The following TBCD variants were observed in gnomAD, a reference collection of about 807,000 sequenced individuals.
TBCD encodes tubulin-specific chaperone D.
A neutral mutation model predicts 169.3 loss-of-function variants in TBCD; 105 were observed. The ratio of observed to expected loss-of-function variants is 0.62; its 90% CI spans 0.53 to 0.73. The LOEUF (loss-of-function observed/expected upper bound fraction) is 0.73. Ranked by LOEUF, TBCD falls within the 30% of genes least tolerant of loss-of-function variation. TBCD has a pLI of 0.00. For missense variants in TBCD, 1,444 were observed against 1,600.1 expected (o/e 0.90, Z 1.66); for synonymous variants, 700 against 643.9 (o/e 1.09, Z -1.32).
chr17:82,807,598 C>T lies in TBCD; in HGVS notation c.1088-10C>T. The T allele has an allele frequency of 1.3e-6, 2 of 1,511,314 alleles. No homozygotes were observed. Among genetic ancestry groups the T allele is most frequent in the Non-Finnish European group, 1.8e-6 (2 of 1,127,752 alleles). The allele number at this position is 1,511,314 out of a possible 1,614,324, so 93.6% of individuals were successfully genotyped here. A position where few individuals can be genotyped will look rare whatever the true frequency, so the allele number is the denominator to read the frequency against. On this transcript the variant is annotated splice_polypyrimidine_tract_variant and intron_variant, in intron 10 of 38. Transcript: ENST00000355528. ...GGACTCTGTCACGCATCACCTTCCT[C>T]TTCCTACAGAGCAGCTGCTGGTCGG...
chr17:82,931,651 G>A (rs1033903918), intron 33 of TBCD, among the ~76,000 whole-genome samples: 1 of 152,204 alleles, frequency 6.6e-6, no homozygotes, highest in African/African-American at 2.4e-5. Flanking sequence ...CAGTCTGTGT[G>A]TGCGAGCCTG....
chr17:82,883,205 C>T (rs1432218513), intron 14 of TBCD, among the ~76,000 whole-genome samples: 1 of 152,254 alleles, frequency 6.6e-6, no homozygotes, highest in East Asian at 1.9e-4. Context: ...AGCACTTGGC[C>T]CCTGGAAGAC....
Position 82,930,530 on chromosome 17 carries a change from C to A in TBCD, c.3000C>A (p.His1000Gln). The A allele has an allele frequency of 6.2e-7, 1 of 1,613,238 alleles. No homozygotes were observed. The highest frequency in any genetic ancestry group is 8.5e-7 in the Non-Finnish European group (1 of 1,179,712). Residue 1000 changes from histidine to glutamine, a missense_variant, in exon 33 of 39, where the codon CAC becomes CAA. By Grantham distance (24) the His-to-Gln change is conservative. Transcript: ENST00000355528. This position sits in a 1 kb window ranked among gnomAD's most constrained non-coding sequence, Gnocchi z 5.2. ...LGGLTESTIR[H>Q]STQSLFEYMK... Reference sequence around the variant, plus strand: ...GTGTCTCCGTGTTGCAGATCCGGCACTCCACCCAGAGCCTCTTTGAGTACA... The same window carrying A: ...GTGTCTCCGTGTTGCAGATCCGGCAATCCACCCAGAGCCTCTTTGAGTACA...
intron 9 of TBCD, among the ~76,000 whole-genome samples, chr17:82,805,081 C>T (rs974890057): frequency 2.6e-5 from 4 of 152,250 alleles, no homozygotes; most frequent in Admixed American, 2.0e-4. Context: ...CCAGGCGGCC[C>T]GCCCTGCACT....
intron 13 of TBCD, among the ~76,000 whole-genome samples, chr17:82,836,922 GGGAGGAAGCCCCT>G (rs902591769): frequency 1.1e-4 from 16 of 152,196 alleles, no homozygotes; most frequent in Non-Finnish European, 2.1e-4. Flanking sequence ...GGGTGTGGCA[GGGAGGAAGCCCCT>G]GGTGGTGAGA....
chr17:82,907,813 C>G lies in TBCD; in HGVS notation c.1975C>G (p.His659Asp). The change falls in exon 21 of 39, where the codon CAC becomes GAC. Residue 659 changes from histidine to aspartate, a missense_variant. His to Asp is a moderately conservative substitution (Grantham distance 81, BLOSUM62 -1). Coordinates refer to ENST00000355528, the MANE Select transcript of TBCD (RefSeq NM_005993.5). Reference protein sequence around the residue: ...EQAVQGLKQIHQQLYDRQLYR... With the variant: ...EQAVQGLKQIDQQLYDRQLYR... Reference sequence around the variant, plus strand: ...GGCAGTGCAGGGCCTGAAGCAGATTCACCAGCAGGTTTGTGTGCAGCCTCT... The same window carrying G: ...GGCAGTGCAGGGCCTGAAGCAGATTGACCAGCAGGTTTGTGTGCAGCCTCT... 1 of 1,613,478 alleles carries G rather than the reference C, an allele frequency of 6.2e-7. No individual in the cohort carries two copies. Among genetic ancestry groups the G allele is most frequent in the Non-Finnish European group, 8.5e-7 (1 of 1,179,658 alleles).
chr17:82,772,608 GAC>G, intron 6 of TBCD, 101 bp downstream of exon 6: 1 of 1,280,652 alleles, frequency 7.8e-7, no homozygotes, highest in Admixed American at 1.7e-5. Context: ...TCAGACGAAG[GAC>G]CCCGGGAAGT....
intron 23 of TBCD, among the ~76,000 whole-genome samples, chr17:82,917,019 C>T (rs369338944): frequency 2.2e-4 from 24 of 108,484 alleles, no homozygotes; most frequent in Middle Eastern, 6.7e-3. Flanking sequence ...TTTTTCTTTT[C>T]TTTTCTTTTT....
At chr17:82,758,400 A>AAAAAAAAAAAAAAAAAAATAAAT (rs1035939621) in intron 2 of TBCD, among the ~76,000 whole-genome samples, 5 of 100,030 alleles carry the variant, frequency 5.0e-5, no homozygotes, top group East Asian at 3.1e-4. Context: ...AAAAAAAAAA[A>AAAAAAAAAAAAAAAAAAATAAAT]AAATAAATAA....
chr17:82,766,285 T>C lies in TBCD; in HGVS notation c.352T>C (p.Phe118Leu), dbSNP rs1285955882. 6.2e-7 allele frequency: 1 copy of C among 1,612,138 alleles called. No homozygotes were observed. The highest frequency in any genetic ancestry group is 8.5e-7 in the Non-Finnish European group (1 of 1,179,112). Residue 118 changes from phenylalanine (F) to leucine (L), a missense_variant, in exon 4 of 39, where the codon TTT becomes CTT. Coordinates refer to ENST00000355528, the MANE Select transcript of TBCD (RefSeq NM_005993.5). ...IITKVRGYKT[F>L]LRLFPHEVAD... is the part of the protein sequence containing the mutation. The stretch of plus-strand genomic sequence containing the variant: ...TTGATAGGTTCGAGGCTATAAAACA[T>C]TTCTTCGTTTATTTCCTCATGAAGT...
rs190577628 is a variant in TBCD at position 82,945,209 on chromosome 17, G to A, written c.*2746G>A. The A allele has an allele frequency of 1.3e-5, 2 of 152,234 alleles. No individual in the cohort carries two copies. Among genetic ancestry groups the A allele is most frequent in the Non-Finnish European group, 2.9e-5 (2 of 68,032 alleles). 9.4% of individuals were successfully genotyped at this position (152,234 alleles called of 1,614,324 possible). A position where few individuals can be genotyped will look rare whatever the true frequency, so the allele number is the denominator to read the frequency against. The stretch of plus-strand genomic sequence containing the variant: ...TGGATAGCTTAGACACAGCTGAAGA[G>A]AGAATTAGAAAACTGGAAGATCTGA... On this transcript the variant is annotated 3_prime_UTR_variant, in exon 39 of 39. Transcript: ENST00000355528.
At chr17:82,830,176 A>T in intron 13 of TBCD, 1 of 1,614,104 alleles carries the variant, frequency 6.2e-7, no homozygotes, top group Non-Finnish European at 8.5e-7. Context: ...TAGTGTGAAC[A>T]CTCTGGCCGT....
chr17:82,793,156 T>C (rs1190820680), intron 7 of TBCD, among the ~76,000 whole-genome samples: 1 of 152,242 alleles, frequency 6.6e-6, no homozygotes, highest in Admixed American at 6.5e-5. Context: ...TTTTTCACTC[T>C]GGGGCTCTGA....
At chr17:82,850,813 T>C (rs1292077475) in intron 13 of TBCD, among the ~76,000 whole-genome samples, 1 of 152,250 alleles carries the variant, frequency 6.6e-6, no homozygotes, top group Non-Finnish European at 1.5e-5. Flanking sequence ...TTCTAAAAGC[T>C]GAAAAGCAAA....
chr17:82,937,247 C>T (rs769662204), intron 34 of TBCD, 24 bp from the exon 35 acceptor site: 4 of 1,611,830 alleles, frequency 2.5e-6, no homozygotes, highest in African/African-American at 1.3e-5. Context: ...AAGCTCATCT[C>T]TAAAGTGTGT....
chr17:82,938,170 G>C (rs563319613), intron 36 of TBCD, 34 bp downstream of exon 36: 4 of 1,592,878 alleles, frequency 2.5e-6, no homozygotes, highest in East Asian at 4.5e-5. Flanking sequence ...TGTGTTTGCC[G>C]TGTGGACACA....
At position 82,941,496 on chromosome 17, in the gene TBCD, C is replaced by T. The variant is rs373807303; in HGVS notation, c.3564+13C>T. 3 of 1,578,648 alleles carry T rather than the reference C, an allele frequency of 1.9e-6. No individual in the cohort carries two copies. The highest frequency in any genetic ancestry group is 2.3e-5 in the East Asian group (1 of 43,020). On this transcript the variant is annotated intron_variant, in intron 38 of 38. Transcript: ENST00000355528. ...GCTGGTGCCCCAGGTAACCCTGTCA[C>T]CTTCACAGCATGAGGTGCCTGTGCT...
chr17:82,911,402 G>A (rs903055075), intron 22 of TBCD, among the ~76,000 whole-genome samples: 3 of 151,620 alleles, frequency 2.0e-5, no homozygotes, highest in Admixed American at 2.0e-4. Flanking sequence ...GAACCGCAGT[G>A]CACTGCTTCT....
chr17:82,808,183 T>C (rs1211204353), intron 11 of TBCD, among the ~76,000 whole-genome samples: 1 of 152,140 alleles, frequency 6.6e-6, no homozygotes, highest in East Asian at 1.9e-4. Context: ...GGTGGAGCCC[T>C]GGCCTGGAGG....
Sources: allele counts gnomAD v4.1 joint callset (sites outside exome capture counted in the v4.1 genomes callset), GRCh38; gene constraint gnomAD v4.1.1; non-coding constraint Gnocchi (gnomAD v3.1); transcripts MANE v1.5; gene names NCBI Gene and HGNC (gene_info 2026-07-23, HGNC 2026-07-21).